The following CALD1 variants were observed in gnomAD, a reference collection of about 807,000 sequenced individuals.
The protein encoded by CALD1 is caldesmon 1.
A neutral mutation model predicts 99.9 loss-of-function variants in CALD1; 33 were observed. That is an observed-to-expected ratio of 0.33 (90% CI 0.25 to 0.44). The LOEUF (loss-of-function observed/expected upper bound fraction) is 0.44. CALD1 is among the 20% of genes least tolerant of loss of function. The pLI, the probability that CALD1 is intolerant of heterozygous loss-of-function variation, is 1.00. For synonymous variants in CALD1, 310 were observed against 325.0 expected, an observed-to-expected ratio of 0.95 and a Z score of 0.50; for missense variants, 861 against 962.1, an observed-to-expected ratio of 0.89 and a Z score of 1.39.
intron 8 of CALD1, among the ~76,000 whole-genome samples, chr7:134,949,631 T>C (rs974441960): frequency 6.6e-6 from 1 of 152,210 alleles, no homozygotes; most frequent in African/African-American, 2.4e-5. Flanking sequence ...CAGATTTAGA[T>C]AGCTTTTCAC....
intron 8 of CALD1, 143 bp from the exon 9 acceptor site, chr7:134,950,231 C>A: frequency 2.9e-6 from 2 of 692,386 alleles, no homozygotes; most frequent in Non-Finnish European, 4.8e-6. Flanking sequence ...CAGGCTAAAC[C>A]TCTGGTGACC....
At position 134,968,512 on chromosome 7, in the gene CALD1, C is replaced by G; in HGVS notation, c.*167C>G. 1.4e-6 allele frequency: 1 copy of G among 725,724 alleles called. No homozygotes were observed. Among genetic ancestry groups the G allele is most frequent in the South Asian group, 1.5e-5 (1 of 67,048 alleles). 45.0% of individuals were successfully genotyped at this position (725,724 alleles called of 1,614,324 possible). A position where few individuals can be genotyped will look rare whatever the true frequency, so the allele number is the denominator to read the frequency against. ...ATATTATCACTATATTTAATAATCA[C>G]AGTCTAGAGATGTTCATGGTAAAAG... On this transcript the variant is annotated 3_prime_UTR_variant, in exon 15 of 15. Coordinates refer to ENST00000361675, the MANE Select transcript of CALD1 (RefSeq NM_033138.4).
At chr7:134,773,706 ATCTTC>A (rs1045570549) in intron 1 of CALD1, among the ~76,000 whole-genome samples, 6 of 151,890 alleles carry the variant, frequency 4.0e-5, no homozygotes, top group African/African-American at 1.2e-4. Flanking sequence ...TGGATACAAT[ATCTTC>A]TCTTATCTCA....
At chr7:134,722,839 T>G in the CALD1 span, among the ~76,000 whole-genome samples, 1 of 152,166 alleles carries the variant, frequency 6.6e-6, no homozygotes, top group Non-Finnish European at 1.5e-5. Context: ...CCTTTTCTAT[T>G]AGATATATAG....
chr7:134,927,709 C>T (rs1168332027), intron 3 of CALD1, among the ~76,000 whole-genome samples: 1 of 151,230 alleles, frequency 6.6e-6, no homozygotes, highest in African/African-American at 2.4e-5. Context: ...TACTAAGGCA[C>T]ATTTTAGAGC....
chr7:134,778,577 T>C (rs1796977286), upstream of CALD1, among the ~76,000 whole-genome samples: 1 of 152,202 alleles, frequency 6.6e-6, no homozygotes, highest in Admixed American at 6.5e-5. Flanking sequence ...ATTGAGTGAA[T>C]TCTGTATTGA....
At chr7:134,757,870 C>T (rs528351458) in intron 1 of CALD1, among the ~76,000 whole-genome samples, 12 of 151,860 alleles carry the variant, frequency 7.9e-5, no homozygotes, top group African/African-American at 2.9e-4. Context: ...CAAAGCTAGA[C>T]TCCGTCTAAA....
chr7:134,728,254 T>C, the CALD1 span, among the ~76,000 whole-genome samples: 8 of 152,260 alleles, frequency 5.3e-5, no homozygotes, highest in South Asian at 4.1e-4. Context: ...AAGAGTTCAA[T>C]TGAACAATGA....
rs1269548719 is a variant in CALD1, at chr7:134,968,666, A to G, written c.*321A>G. The G allele has an allele frequency of 5.3e-6, 3 of 565,052 alleles. No individual in the cohort carries two copies. Among genetic ancestry groups the G allele is most frequent in the Admixed American group, 2.4e-5 (1 of 41,916 alleles). 35.0% of individuals were successfully genotyped at this position (565,052 alleles called of 1,614,324 possible). A position where few individuals can be genotyped will look rare whatever the true frequency, so the allele number is the denominator to read the frequency against. Reference sequence around the variant, plus strand: ...ACATCTGAAGTCAACAGAAGATCCAAGTTTAAAATTGCCTGCGGAATGTGT... The same window carrying G: ...ACATCTGAAGTCAACAGAAGATCCAGGTTTAAAATTGCCTGCGGAATGTGT... On this transcript the variant is annotated 3_prime_UTR_variant, in exon 15 of 15. Transcript: ENST00000361675.
chr7:134,870,504 G>T (rs1313176621), intron 3 of CALD1, among the ~76,000 whole-genome samples: 2 of 152,300 alleles, frequency 1.3e-5, no homozygotes, highest in East Asian at 1.9e-4. Context: ...TTGTGTGGAA[G>T]AATTTCTCTT....
the CALD1 span, among the ~76,000 whole-genome samples, chr7:134,721,378 C>T: frequency 2.0e-5 from 3 of 150,496 alleles, no homozygotes; most frequent in African/African-American, 7.3e-5. Flanking sequence ...TGGAGTCCTG[C>T]CAGCCTTGGA....
intron 1 of CALD1, among the ~76,000 whole-genome samples, chr7:134,828,524 T>A (rs1799095272): frequency 6.6e-6 from 1 of 152,144 alleles, no homozygotes; most frequent in Admixed American, 6.5e-5. Context: ...TCCATAATTG[T>A]CCAATGTTGT....
the CALD1 span, among the ~76,000 whole-genome samples, chr7:134,717,322 TG>T: frequency 2.6e-5 from 4 of 152,212 alleles, no homozygotes; most frequent in Non-Finnish European, 5.9e-5. Context: ...TACATAATGG[TG>T]TCACCACCCA....
chr7:134,753,012 AAAAAAAAAAAC>A lies in CALD1; in HGVS notation c.-130+8659_-130+8669del, dbSNP rs1194826158. On this transcript the variant is annotated intron_variant, in intron 1 of 13. Transcript: ENST00000417172. ...GCAACAGAACGAGACTCTGTATCGA[AAAAAAAAAAAC>A]AAAAAAAAACAAAAAAAAAAAACAC... 3.3e-3 allele frequency among the ~76,000 whole-genome samples: 51 copies of A among 15,286 alleles called. 1 individual carries two copies. The African/African-American group carries it at 0.063, about 19-fold the overall frequency. The allele number at this position is 15,286 out of a possible 152,430, so 10.0% of individuals were successfully genotyped here. A position where few individuals can be genotyped will look rare whatever the true frequency, so the allele number is the denominator to read the frequency against.
At chr7:134,925,381 T>G (rs1428962111) in intron 3 of CALD1, among the ~76,000 whole-genome samples, 1 of 152,166 alleles carries the variant, frequency 6.6e-6, no homozygotes, top group Admixed American at 6.5e-5. Flanking sequence ...AATTAAGGAC[T>G]TAAGGTTATA....
intron 1 of CALD1, among the ~76,000 whole-genome samples, chr7:134,762,036 G>A (rs1796783040): frequency 6.6e-6 from 1 of 152,170 alleles, no homozygotes. Context: ...AGTACTGGAC[G>A]AAAGAGCACT....
Position 134,797,752 on chromosome 7 carries a change from C to T in CALD1, c.-130+18003C>T, listed in dbSNP as rs1040248073. 3.3e-5 allele frequency among the ~76,000 whole-genome samples: 5 copies of T among 152,104 alleles called. No individual in the cohort carries two copies. The East Asian group carries it at 5.8e-4, about 18-fold the overall frequency. On this transcript the variant is annotated intron_variant, in intron 1 of 14. Coordinates refer to ENST00000361675, the MANE Select transcript of CALD1 (RefSeq NM_033138.4). Reference sequence around the variant, plus strand: ...GGACTATAGGCACGCACCACCACACCGGCTAATTTTTGTATTTTTAGTAGA... The same window carrying T: ...GGACTATAGGCACGCACCACCACACTGGCTAATTTTTGTATTTTTAGTAGA...
At chr7:134,945,890 C>T (rs907269780) in intron 7 of CALD1, among the ~76,000 whole-genome samples, 13 of 152,290 alleles carry the variant, frequency 8.5e-5, no homozygotes, top group African/African-American at 2.9e-4. Context: ...TGGGTAATTT[C>T]GTCTGCCAGA....
At chr7:134,871,170 T>C (rs1801056859) in intron 3 of CALD1, among the ~76,000 whole-genome samples, 1 of 152,198 alleles carries the variant, frequency 6.6e-6, no homozygotes, top group African/African-American at 2.4e-5. Context: ...GTATTATTGA[T>C]TTTTCTTTAC....
Sources: allele counts gnomAD v4.1 joint callset (sites outside exome capture counted in the v4.1 genomes callset), GRCh38; gene constraint gnomAD v4.1.1; transcripts MANE v1.5; gene names NCBI Gene and HGNC (gene_info 2026-07-23, HGNC 2026-07-21).